PRICKLE2: variants seen among roughly 807,000 people sequenced by gnomAD.
The protein encoded by PRICKLE2 is prickle-like protein 2.
A neutral mutation model predicts 81.4 loss-of-function variants in PRICKLE2; 21 were observed. The observed-to-expected ratio is 0.26, with a 90% confidence interval of 0.18 to 0.37. PRICKLE2 has a LOEUF of 0.37. PRICKLE2 is among the 10% of genes least tolerant of loss of function. PRICKLE2 has a pLI of 1.00. For synonymous variants in PRICKLE2, 456 were observed against 421.5 expected (o/e 1.08, Z -1.00); for missense variants, 940 against 1,109.0 (o/e 0.85, Z 2.16).
intron 2 of PRICKLE2, among the ~76,000 whole-genome samples, chr3:64,264,397 AC>A (rs1395305142): frequency 6.6e-6 from 1 of 152,182 alleles, no homozygotes; most frequent in Non-Finnish European, 1.5e-5. Context: ...CATACTACAG[AC>A]CTATGAAATA....
At chr3:64,223,575 T>G (rs2078987740) in intron 1 of PRICKLE2, among the ~76,000 whole-genome samples, 1 of 152,220 alleles carries the variant, frequency 6.6e-6, no homozygotes, top group African/African-American at 2.4e-5. Flanking sequence ...GGCTGCCCCG[T>G]GAATCTTTAT....
chr3:64,239,699 A>G (rs571259835), intron 2 of PRICKLE2, among the ~76,000 whole-genome samples: 12 of 152,296 alleles, frequency 7.9e-5, no homozygotes, highest in Non-Finnish European at 1.5e-4. Context: ...GGTTATACCT[A>G]TGGTTGCTTA....
At chr3:64,120,771 G>C (rs1393004687) in intron 7 of PRICKLE2, among the ~76,000 whole-genome samples, 1 of 152,010 alleles carries the variant, frequency 6.6e-6, no homozygotes. Context: ...ACCAACCAGG[G>C]GCTGTACCTG....
intron 2 of PRICKLE2, among the ~76,000 whole-genome samples, chr3:64,168,985 CA>C (rs1237201935): frequency 1.3e-5 from 2 of 151,856 alleles, no homozygotes; most frequent in Non-Finnish European, 2.9e-5. Flanking sequence ...CAGCCATATC[CA>C]TTTTTTTTTT....
In PRICKLE2 at chr3:64,132,412, T is replaced by C. The variant is rs958313753; in HGVS notation, c.1660+14418A>G. Among the ~76,000 whole-genome samples the C allele has an allele frequency of 3.4e-4, 52 of 152,294 alleles. 1 individual carries two copies. The highest frequency in any genetic ancestry group is 3.4e-3 in the Middle Eastern group (1 of 294). ...TGGCTCCCTCCTGCTAGGCTGCAGC[T>C]TGGCTGCAGCATTCTACCTAAGGCC... On this transcript the variant is annotated intron_variant, in intron 7 of 7. Coordinates refer to ENST00000638394, the MANE Select transcript of PRICKLE2 (RefSeq NM_198859.4).
intron 2 of PRICKLE2, among the ~76,000 whole-genome samples, chr3:64,263,719 G>T (rs1322310842): frequency 6.6e-6 from 1 of 152,146 alleles, no homozygotes; most frequent in Admixed American, 6.5e-5. Context: ...GGTAGAAAGG[G>T]CCCTTGATGG....
At chr3:64,107,127 G>A (rs1384302303) in intron 7 of PRICKLE2, among the ~76,000 whole-genome samples, 10 of 152,108 alleles carry the variant, frequency 6.6e-5, no homozygotes, top group Admixed American at 6.5e-4. Flanking sequence ...AGGGGTGCAG[G>A]TTCCCTTAAG....
At chr3:64,178,232 A>G (rs1353202543) in intron 2 of PRICKLE2, among the ~76,000 whole-genome samples, 2 of 152,220 alleles carry the variant, frequency 1.3e-5, no homozygotes, top group African/African-American at 4.8e-5. Flanking sequence ...TCCTTCAGTC[A>G]TCTTTTAACT....
intron 2 of PRICKLE2, among the ~76,000 whole-genome samples, chr3:64,182,317 T>C (rs1222302739): frequency 1.3e-5 from 2 of 151,840 alleles, no homozygotes. Flanking sequence ...TGAAACCCTG[T>C]CTCTACAAAA....
At chr3:64,244,573 A>G (rs1008577381) in intron 2 of PRICKLE2, among the ~76,000 whole-genome samples, 1 of 151,810 alleles carries the variant, frequency 6.6e-6, no homozygotes, top group African/African-American at 2.4e-5. Flanking sequence ...GGAAACTATG[A>G]TAAACCTAGA....
Position 64,094,852 on chromosome 3 carries a change from G to A in PRICKLE2, c.*4199C>T, listed in dbSNP as rs960414126. 4.6e-5 allele frequency: 7 copies of A among 152,626 alleles called. No homozygotes were observed. The highest frequency in any genetic ancestry group is 3.9e-4 in the Admixed American group (6 of 15,286). 9.5% of individuals were successfully genotyped at this position (152,626 alleles called of 1,614,324 possible). On this transcript the variant is annotated 3_prime_UTR_variant, in exon 8 of 8. Transcript: ENST00000638394. ...TTCAACAATTGGCAGTGGAGGCTTG[G>A]CTACTGAGTCTTGCATATGCAAATG... is the stretch of plus-strand genomic sequence containing the variant.
At chr3:64,244,800 T>C (rs1167661943) in intron 2 of PRICKLE2, among the ~76,000 whole-genome samples, 4 of 152,152 alleles carry the variant, frequency 2.6e-5, no homozygotes, top group Non-Finnish European at 5.9e-5. Context: ...AAGTGGCTCA[T>C]GGCTCAAAAA....
rs552283546 is a variant in PRICKLE2 at position 64,243,307 on chromosome 3, T to C, written c.129-44340A>G. Reference sequence around the variant, plus strand: ...TTCTTTGTTGTTGGAGGCTGTGCCATGTATTGCATGGTGTTCAGCAGTACC... The same window carrying C: ...TTCTTTGTTGTTGGAGGCTGTGCCACGTATTGCATGGTGTTCAGCAGTACC... On this transcript the variant is annotated intron_variant, in intron 2 of 8. Transcript: ENST00000295902. Among the ~76,000 whole-genome samples, 5 of 152,358 alleles carry C rather than the reference T, an allele frequency of 3.3e-5. No homozygotes were observed. The East Asian group carries it at 7.7e-4, about 23-fold the overall frequency.
At chr3:64,153,529 T>C in intron 5 of PRICKLE2, 161 bp from the exon 6 acceptor site, 7 of 647,614 alleles carry the variant, frequency 1.1e-5, no homozygotes, top group Non-Finnish European at 1.9e-5. Context: ...TCTGTATGTA[T>C]ATCAGTTCCT....
At chr3:64,220,442 G>A (rs2078934055) in intron 1 of PRICKLE2, among the ~76,000 whole-genome samples, 2 of 152,150 alleles carry the variant, frequency 1.3e-5, no homozygotes, top group South Asian at 4.1e-4. Context: ...GTGCTGGGTT[G>A]GAAAACATAC....
intron 1 of PRICKLE2, among the ~76,000 whole-genome samples, chr3:64,220,755 C>G (rs1272861370): frequency 6.6e-6 from 1 of 152,102 alleles, no homozygotes; most frequent in Non-Finnish European, 1.5e-5. Context: ...GATTCTGTGC[C>G]CCCTGGAGTG....
intron 7 of PRICKLE2, among the ~76,000 whole-genome samples, chr3:64,123,988 G>T (rs373776478): frequency 1.3e-5 from 2 of 152,190 alleles, no homozygotes; most frequent in Admixed American, 6.5e-5. Context: ...AGGAAGACAC[G>T]TTGAAAGTCA....
rs557364621 is a variant in PRICKLE2 at position 64,099,881 on chromosome 3, G to T, written c.1705C>A (p.Arg569=). ...GGAKRQEHLS[R]FSMPDLSKDS... Reference sequence around the variant, plus strand: ...TTGCTGAGGTCAGGCATGGAAAATCGGGATAGGTGCTCCTGGCGCTTGGCA... The same window carrying T: ...TTGCTGAGGTCAGGCATGGAAAATCTGGATAGGTGCTCCTGGCGCTTGGCA... The change falls in exon 8 of 8, where the codon CGA becomes AGA. Residue 569 remains arginine (R), a synonymous_variant. Coordinates refer to ENST00000638394, the MANE Select transcript of PRICKLE2 (RefSeq NM_198859.4). This position sits in a 1 kb window ranked among gnomAD's most constrained non-coding sequence, Gnocchi z 4.3. 7 of 1,614,186 alleles carry T rather than the reference G, an allele frequency of 4.3e-6. No individual in the cohort carries two copies. In the South Asian group the frequency reaches 6.6e-5, roughly 15 times the overall value.
intron 7 of PRICKLE2, among the ~76,000 whole-genome samples, chr3:64,129,135 G>T (rs1435495104): frequency 6.6e-6 from 1 of 152,130 alleles, no homozygotes; most frequent in East Asian, 1.9e-4. Flanking sequence ...AAATCATCCA[G>T]GTTGAGAACC....
Sources: gnomAD v4.1 joint callset for allele counts (sites outside exome capture counted in the v4.1 genomes callset) on GRCh38, gnomAD v4.1.1 for gene constraint, Gnocchi (gnomAD v3.1) non-coding constraint, MANE v1.5 for transcripts, NCBI Gene and HGNC (gene_info 2026-07-23, HGNC 2026-07-21) for gene names.